ATP5MJ: variants seen among roughly 807,000 people sequenced by gnomAD.
The protein encoded by ATP5MJ is ATP synthase F(0) complex subunit j, mitochondrial.
Under a neutral mutation model 8.3 loss-of-function variants are expected in ATP5MJ, and 4 were observed. The ratio of observed to expected loss-of-function variants is 0.48; its 90% CI spans 0.24 to 1.11. The LOEUF is 1.11. Among genes scored for constraint, ATP5MJ ranks in the 50% least tolerant of loss-of-function variants. The probability of loss-of-function intolerance (pLI) is 0.18; values close to 1 mark genes in which losing one functional copy is unlikely to be tolerated. For synonymous variants in ATP5MJ, 23 were observed against 21.3 expected, an observed-to-expected ratio of 1.08 and a Z score of -0.23; for missense variants, 66 against 71.8, an observed-to-expected ratio of 0.92 and a Z score of 0.29.
chr14:103,921,364 G>A (rs539918337), intron 1 of ATP5MJ, 106 bp downstream of exon 1: 117 of 281,556 alleles, frequency 4.2e-4, no homozygotes, highest in Admixed American at 7.3e-4. Context: ...GGCGCGTGCC[G>A]GCGGAGGGGT....
At chr14:103,914,844 A>AAAAAAAAAAAAAAAAAAAAG in intron 2 of ATP5MJ, 1 of 425,230 alleles carries the variant, frequency 2.4e-6, no homozygotes, top group Non-Finnish European at 3.9e-6. Context: ...CTCCAAAAAA[A>AAAAAAAAAAAAAAAAAAAAG]AAAAAAAAAA....
At chr14:103,918,898 T>G (rs2087647442) in intron 1 of ATP5MJ, among the ~76,000 whole-genome samples, 1 of 151,926 alleles carries the variant, frequency 6.6e-6, no homozygotes, top group South Asian at 2.1e-4. Flanking sequence ...GGCGGGCGCC[T>G]GTAGTCCCAG....
intron 1 of ATP5MJ, chr14:103,920,961 G>A (rs565919572): frequency 2.6e-6 from 4 of 1,551,500 alleles, no homozygotes; most frequent in African/African-American, 2.7e-5. Context: ...AATGGGAAAT[G>A]TCTGACCCGC....
At chr14:103,918,051 G>A (rs1213023584) in intron 1 of ATP5MJ, 1 of 152,276 alleles carries the variant, frequency 6.6e-6, no homozygotes. Flanking sequence ...CTTGCAGATA[G>A]TCCGCCCTCA....
intron 3 of ATP5MJ, 78 bp from the exon 4 acceptor site, chr14:103,912,772 A>G: frequency 7.0e-7 from 1 of 1,434,012 alleles, no homozygotes; most frequent in Non-Finnish European, 9.8e-7. Context: ...AACAAGTATC[A>G]AAAGAAGTTG....
chr14:103,913,442 T>G (rs1567185211), intron 3 of ATP5MJ: 1 of 163,386 alleles, frequency 6.1e-6, no homozygotes, highest in Non-Finnish European at 1.3e-5. Flanking sequence ...AAACCCTATC[T>G]CTACTAAAAA....
intron 1 of ATP5MJ, among the ~76,000 whole-genome samples, chr14:103,917,178 CA>C (rs2152107760): frequency 6.6e-6 from 1 of 152,302 alleles, no homozygotes; most frequent in South Asian, 2.1e-4. Flanking sequence ...GTGCCAGATT[CA>C]AATCCTGGCT....
Position 103,912,355 on chromosome 14 carries a change from G to A in ATP5MJ, c.*311C>T. The A allele has an allele frequency of 2.9e-6, 1 of 339,996 alleles. No individual in the cohort carries two copies. The highest frequency in any genetic ancestry group is 5.4e-6 in the Non-Finnish European group (1 of 186,712). The allele number at this position is 339,996 out of a possible 1,614,324, so 21.1% of individuals were successfully genotyped here. A position where few individuals can be genotyped will look rare whatever the true frequency, so the allele number is the denominator to read the frequency against. On this transcript the variant is annotated 3_prime_UTR_variant, in exon 4 of 4. Coordinates refer to ENST00000286953, the MANE Select transcript of ATP5MJ (RefSeq NM_004894.3). The stretch of plus-strand genomic sequence containing the variant: ...GAATACAAGTGAGTGCCTGGATCCT[G>A]ATCACCAAGTCCTGTACAACTGAGG...
chr14:103,915,193 A>C lies in ATP5MJ; in HGVS notation c.1-4T>G, dbSNP rs780109497. On this transcript the variant is annotated splice_polypyrimidine_tract_variant and splice_region_variant and intron_variant, in intron 1 of 3. Transcript: ENST00000286953. ...TTTTAATAATACTTTGAAGCATCTG[A>C]AAATGAACACAGTGATTAAAAATTA... The C allele has an allele frequency of 6.2e-6, 10 of 1,610,404 alleles. No homozygotes were observed. The East Asian group carries it at 2.2e-4, about 36-fold the overall frequency.
intron 1 of ATP5MJ, among the ~76,000 whole-genome samples, chr14:103,918,902 G>A (rs2087647462): frequency 6.6e-6 from 1 of 151,458 alleles, no homozygotes; most frequent in African/African-American, 2.4e-5. Flanking sequence ...GGCGCCTGTA[G>A]TCCCAGCTAC....
intron 1 of ATP5MJ, among the ~76,000 whole-genome samples, chr14:103,919,558 G>A (rs2087655858): frequency 6.6e-6 from 1 of 152,118 alleles, no homozygotes; most frequent in African/African-American, 2.4e-5. Flanking sequence ...AACAAGGTAA[G>A]ATGAGGGTCT....
In ATP5MJ at chr14:103,913,182, T is replaced by C. The variant is rs572532432; in HGVS notation, c.149-488A>G. ...AAAAATACAAAAAATTAGCCGGGTA[T>C]GGTGGCGGGCACCTGTAATCCCAGC... On this transcript the variant is annotated intron_variant, in intron 3 of 3. Transcript: ENST00000286953. 1.5e-3 allele frequency: 229 copies of C among 155,712 alleles called. 1 individual carries two copies. The highest frequency in any genetic ancestry group is 3.4e-3 in the Middle Eastern group (1 of 296). The allele number at this position is 155,712 out of a possible 1,614,324, so 9.6% of individuals were successfully genotyped here. A position where few individuals can be genotyped will look rare whatever the true frequency, so the allele number is the denominator to read the frequency against.
In ATP5MJ at chr14:103,913,970, C is replaced by T. The variant is rs200773885; in HGVS notation, c.139G>A (p.Ala47Thr). The change falls in exon 3 of 4, where the codon GCT becomes ACT. Residue 47 changes from alanine (A) to threonine (T), a missense_variant. Ala to Thr is a moderately conservative substitution (Grantham distance 58). Coordinates refer to ENST00000286953, the MANE Select transcript of ATP5MJ (RefSeq NM_004894.3). ...GAAGCAAAAATCTTACCTTTCAAAG[C>T]CTTACTTCTTTTATCTAAAATAAAA... ...KIRAADKRSK[A>T]LKASAPAPGH... The T allele has an allele frequency of 2.5e-6, 4 of 1,610,860 alleles. No homozygotes were observed. The highest frequency in any genetic ancestry group is 2.2e-5 in the East Asian group (1 of 44,858).
At position 103,921,450 on chromosome 14, in the gene ATP5MJ, G is replaced by C. The variant is rs2087678004; in HGVS notation, c.-1+20C>G. On this transcript the variant is annotated intron_variant, in intron 1 of 3. Transcript: ENST00000286953. ...CGCCGTCTCGCACCTCGGGAGCCAGGTCCAGGTCCCCGTACTCACCTTGGC... is the reference window on the plus strand; with the variant it reads ...CGCCGTCTCGCACCTCGGGAGCCAGCTCCAGGTCCCCGTACTCACCTTGGC... The C allele has an allele frequency of 4.5e-6, 1 of 223,126 alleles. No homozygotes were observed. Among genetic ancestry groups the C allele is most frequent in the African/African-American group, 2.3e-5 (1 of 44,396 alleles). The allele number at this position is 223,126 out of a possible 1,614,324, so 13.8% of individuals were successfully genotyped here. A position where few individuals can be genotyped will look rare whatever the true frequency, so the allele number is the denominator to read the frequency against.
chr14:103,916,769 G>A (rs184572112), intron 1 of ATP5MJ, among the ~76,000 whole-genome samples: 3 of 152,056 alleles, frequency 2.0e-5, no homozygotes, highest in South Asian at 2.1e-4. Flanking sequence ...AGAACTGCGC[G>A]TTGGCTGCGG....
intron 1 of ATP5MJ, among the ~76,000 whole-genome samples, chr14:103,917,298 T>C (rs939550845): frequency 6.6e-6 from 1 of 152,180 alleles, no homozygotes; most frequent in African/African-American, 2.4e-5. Context: ...AGAATAACTC[T>C]ATGTCAAATG....
intron 2 of ATP5MJ, 103 bp from the exon 3 acceptor site, chr14:103,914,087 C>T: frequency 9.4e-7 from 1 of 1,063,224 alleles, no homozygotes; most frequent in Non-Finnish European, 1.4e-6. Flanking sequence ...TTAGGTAAAG[C>T]AATTCAGGAA....
chr14:103,917,153 A>C (rs556148606), intron 1 of ATP5MJ, among the ~76,000 whole-genome samples: 1 of 152,292 alleles, frequency 6.6e-6, no homozygotes, highest in Non-Finnish European at 1.5e-5. Context: ...AGCTGGAAGG[A>C]ATAGGGAGGC....
At chr14:103,916,485 C>T (rs1052594337) in intron 1 of ATP5MJ, among the ~76,000 whole-genome samples, 3 of 152,112 alleles carry the variant, frequency 2.0e-5, no homozygotes, top group Admixed American at 1.3e-4. Context: ...GTAATCCCAG[C>T]GCTTTGGGAG....
Sources: allele counts gnomAD v4.1 joint callset (sites outside exome capture counted in the v4.1 genomes callset), GRCh38; gene constraint gnomAD v4.1.1; transcripts MANE v1.5; gene names NCBI Gene and HGNC (gene_info 2026-07-23, HGNC 2026-07-21).